The following STK32B variants were observed in gnomAD, a reference collection of about 807,000 sequenced individuals.
STK32B encodes serine/threonine-protein kinase 32B.
In STK32B, 43 loss-of-function variants were observed where a neutral mutation model predicts 52.6. The ratio of observed to expected loss-of-function variants is 0.82; its 90% CI spans 0.64 to 1.05. The LOEUF (loss-of-function observed/expected upper bound fraction) is 1.05. Among genes scored for constraint, STK32B ranks in the 50% least tolerant of loss-of-function variants. STK32B has a pLI of 0.00. For synonymous variants in STK32B, 238 were observed against 204.3 expected (o/e 1.17, Z -1.41); for missense variants, 621 against 534.6 (o/e 1.16, Z -1.59).
At chr4:5,408,743 A>G (rs1457143457) in intron 5 of STK32B, among the ~76,000 whole-genome samples, 1 of 152,120 alleles carries the variant, frequency 6.6e-6, no homozygotes, top group Non-Finnish European at 1.5e-5. Context: ...CATGTGACCT[A>G]GCCCCTGTCT....
At chr4:5,121,414 A>C (rs1361084475) in intron 1 of STK32B, among the ~76,000 whole-genome samples, 2 of 152,224 alleles carry the variant, frequency 1.3e-5, no homozygotes, top group Non-Finnish European at 2.9e-5. Context: ...CGACCCTGTT[A>C]TATAGCTGTT....
At chr4:5,348,611 C>G (rs867054176) in intron 4 of STK32B, among the ~76,000 whole-genome samples, 25 of 152,264 alleles carry the variant, frequency 1.6e-4, no homozygotes, top group Middle Eastern at 3.4e-3. Flanking sequence ...GTGCACACCC[C>G]CAAGTTGCCT....
rs75616328 is a variant in STK32B, at chr4:5,391,416, C to T, written c.435-6791C>T. 1.1e-4 allele frequency among the ~76,000 whole-genome samples: 17 copies of T among 152,300 alleles called. No individual in the cohort carries two copies. The East Asian group carries it at 3.3e-3, about 29-fold the overall frequency. ...CTATTTGCTGGCACATATAGACACA[C>T]ACTTTCCTGCAAAGACAGTATTTCT... On this transcript the variant is annotated intron_variant, in intron 4 of 11. Transcript: ENST00000282908.
intron 3 of STK32B, among the ~76,000 whole-genome samples, chr4:5,320,078 A>C (rs545898081): frequency 6.6e-6 from 1 of 152,174 alleles, no homozygotes; most frequent in African/African-American, 2.4e-5. Flanking sequence ...TGATGAGCCA[A>C]TTCAAGTCTC....
At chr4:5,048,648 G>A (rs965355690), upstream of STK32B, among the ~76,000 whole-genome samples, 2 of 152,326 alleles carry the variant, frequency 1.3e-5, no homozygotes, top group East Asian at 1.9e-4. Flanking sequence ...GGCCAGTCTC[G>A]AACTCCTGAC....
At chr4:5,423,717 G>A (rs1712835446) in intron 6 of STK32B, among the ~76,000 whole-genome samples, 1 of 152,148 alleles carries the variant, frequency 6.6e-6, no homozygotes, top group South Asian at 2.1e-4. Flanking sequence ...GGGAGATGAT[G>A]GGGCTGTTGC....
intron 3 of STK32B, chr4:5,204,164 T>C (rs1282916994): frequency 2.0e-5 from 3 of 152,228 alleles, no homozygotes; most frequent in African/African-American, 7.2e-5. Flanking sequence ...CTAAGAAAGC[T>C]GCACTTTCGA....
chr4:5,230,312 C>G (rs1724174538), intron 3 of STK32B, among the ~76,000 whole-genome samples: 1 of 150,542 alleles, frequency 6.6e-6, no homozygotes, highest in Admixed American at 6.7e-5. Context: ...GTCTCAGCCT[C>G]CAGAGTAGCT....
chr4:5,234,811 A>C (rs1181540811), intron 3 of STK32B, among the ~76,000 whole-genome samples: 1 of 152,276 alleles, frequency 6.6e-6, no homozygotes, highest in Non-Finnish European at 1.5e-5. Flanking sequence ...TCAAAGCATA[A>C]ATGGCTGAGT....
At chr4:5,034,505 G>A in the STK32B span, among the ~76,000 whole-genome samples, 1 of 152,096 alleles carries the variant, frequency 6.6e-6, no homozygotes, top group African/African-American at 2.4e-5. Flanking sequence ...TTCTTTCCAT[G>A]GTTTATATAA....
intron 3 of STK32B, among the ~76,000 whole-genome samples, chr4:5,231,284 C>G (rs759186591): frequency 1.3e-5 from 2 of 152,136 alleles, no homozygotes; most frequent in Middle Eastern, 3.2e-3. Flanking sequence ...CAATAAATAT[C>G]ATTTGGCCAA....
intron 4 of STK32B, among the ~76,000 whole-genome samples, chr4:5,336,168 C>A (rs187076925): frequency 4.1e-5 from 6 of 147,078 alleles, no homozygotes; most frequent in Non-Finnish European, 1.5e-5. Context: ...ACCCACACAC[C>A]CACCCACACA....
intron 3 of STK32B, among the ~76,000 whole-genome samples, chr4:5,293,799 C>G (rs1729032260): frequency 6.6e-6 from 1 of 152,106 alleles, no homozygotes; most frequent in African/African-American, 2.4e-5. Flanking sequence ...TTAATGAGAT[C>G]TCATTTGTTC....
chr4:5,081,557 T>C (rs1191434479), intron 1 of STK32B, among the ~76,000 whole-genome samples: 1 of 152,140 alleles, frequency 6.6e-6, no homozygotes, highest in East Asian at 1.9e-4. Context: ...AGGCTTTCTT[T>C]ATTCCTTTTC....
chr4:5,365,282 A>C (rs6849389), intron 4 of STK32B, among the ~76,000 whole-genome samples: 7,633 of 152,196 alleles, frequency 0.05, 297 homozygotes, highest in African/African-American at 0.1. Flanking sequence ...GTAATAGAAA[A>C]GATTTATTTA....
chr4:5,237,228 A>AG (rs1422127801), intron 3 of STK32B, among the ~76,000 whole-genome samples: 3 of 152,256 alleles, frequency 2.0e-5, no homozygotes, highest in Admixed American at 6.5e-5. Flanking sequence ...CTGTGATGGG[A>AG]GGGAGGCACC....
chr4:5,364,746 A>G (rs1734768305), intron 4 of STK32B, among the ~76,000 whole-genome samples: 2 of 152,310 alleles, frequency 1.3e-5, no homozygotes, highest in African/African-American at 4.8e-5. Flanking sequence ...CATGCTAAGC[A>G]GAAGAAAAAT....
At position 5,380,782 on chromosome 4, in the gene STK32B, C is replaced by T. The variant is rs759383132; in HGVS notation, c.435-17425C>T. Among the ~76,000 whole-genome samples the T allele has an allele frequency of 6.6e-6, 1 of 152,190 alleles. No homozygotes were observed. Among genetic ancestry groups the T allele is most frequent in the Non-Finnish European group, 1.5e-5 (1 of 68,040 alleles). ...CATTTTGTAGCTGACACTGCTGTTA[C>T]CTACAATCATGCAGTCCTTACAACA... On this transcript the variant is annotated intron_variant, in intron 4 of 11. Coordinates refer to ENST00000282908, the MANE Select transcript of STK32B (RefSeq NM_018401.3). The surrounding 1 kb of genome is among the most constrained non-coding windows in gnomAD (Gnocchi z 4.3).
At chr4:5,138,694 T>C (rs925861769) in intron 1 of STK32B, among the ~76,000 whole-genome samples, 8 of 152,154 alleles carry the variant, frequency 5.3e-5, no homozygotes, top group African/African-American at 1.9e-4. Context: ...AAGGTAAAAT[T>C]ACACAAAGCG....
Sources: allele counts gnomAD v4.1 joint callset (sites outside exome capture counted in the v4.1 genomes callset), GRCh38; gene constraint gnomAD v4.1.1; non-coding constraint Gnocchi (gnomAD v3.1); transcripts MANE v1.5; gene names NCBI Gene and HGNC (gene_info 2026-07-23, HGNC 2026-07-21).